The following MATR3 variants were observed in gnomAD, a reference collection of about 807,000 sequenced individuals.
MATR3 encodes matrin-3.
MATR3 carries 4 observed loss-of-function variants against 85.5 expected under a neutral mutation model. That is an observed-to-expected ratio of 0.05 (90% confidence interval 0.02 to 0.11). The LOEUF (loss-of-function observed/expected upper bound fraction) is 0.11. Among genes scored for constraint, MATR3 ranks in the 10% least tolerant of loss-of-function variants. The probability of loss-of-function intolerance (pLI) is 1.00; values close to 1 mark genes in which losing one functional copy is unlikely to be tolerated. For missense variants in MATR3, 685 were observed against 1,016.1 expected (o/e 0.67, Z 4.43); for synonymous variants, 336 against 343.1 (o/e 0.98, Z 0.23).
chr5:139,325,503 G>A lies in MATR3; in HGVS notation c.2212G>A (p.Glu738Lys), dbSNP rs2152022000. Reference protein sequence around the residue: ...EAALENGIKNEENTEPGAESS... With the variant: ...EAALENGIKNKENTEPGAESS... ...AGCGTTGGAAAATGGAATTAAAAAT[G>A]AGGAAAACACAGAACCAGGTGCTGA... Residue 738 changes from glutamate (E) to lysine (K), a missense_variant, in exon 13 of 15, where the codon GAG becomes AAG. Physicochemically the swap from Glu to Lys is moderately conservative, Grantham distance 56. Transcript: ENST00000394805. 6.2e-7 allele frequency: 1 copy of A among 1,614,208 alleles called. No individual in the cohort carries two copies. Among genetic ancestry groups the A allele is most frequent in the Non-Finnish European group, 8.5e-7 (1 of 1,180,044 alleles).
chr5:139,316,285 G>A lies in MATR3; in HGVS notation c.1129+97G>A, dbSNP rs148579120. 1,523 of 914,560 alleles carry A rather than the reference G, an allele frequency of 1.7e-3. 14 individuals carry two copies. The African/African-American group carries it at 0.021, about 13-fold the overall frequency. 56.7% of individuals were successfully genotyped at this position (914,560 alleles called of 1,614,324 possible). A position where few individuals can be genotyped will look rare whatever the true frequency, so the allele number is the denominator to read the frequency against. On this transcript the variant is annotated intron_variant, in intron 5 of 14. Coordinates refer to ENST00000394805, the MANE Select transcript of MATR3 (RefSeq NM_018834.6). ...TTTGAGATGGGGTTTTGCTCTTATC[G>A]CCCAGGCTGGAGTGCAATGGCACGA...
chr5:139,307,698 C>T lies in MATR3; in HGVS notation c.283C>T (p.Leu95Phe), dbSNP rs1754778808. 6.2e-7 allele frequency: 1 copy of T among 1,614,152 alleles called. No individual in the cohort carries two copies. The highest frequency in any genetic ancestry group is 1.3e-5 in the African/African-American group (1 of 75,054). Residue 95 changes from leucine (L) to phenylalanine (F), a missense_variant, in exon 2 of 15, where the codon CTC (leucine) becomes TTC (phenylalanine). Coordinates refer to ENST00000394805, the MANE Select transcript of MATR3 (RefSeq NM_018834.6). The surrounding 1 kb of genome is among the most constrained non-coding windows in gnomAD (Gnocchi z 4.4). ...SIFNIGSRGP[L>F]PLSSQHRGDA... is the part of the protein sequence containing the mutation. ...ATTTAACATTGGAAGTAGAGGTCCA[C>T]TCCCTTTATCTTCTCAACACCGTGG...
Position 139,329,941 on chromosome 5 carries a change from T to C in MATR3, c.*546T>C, listed in dbSNP as rs1482380353. ...GTGCAGTTTTCTGTTAATGTCATGC[T>C]GTTGTTTAGGTAATAAGAAATATTA... On this transcript the variant is annotated 3_prime_UTR_variant, in exon 15 of 15. Coordinates refer to ENST00000394805, the MANE Select transcript of MATR3 (RefSeq NM_018834.6). 1 of 454,434 alleles carries C rather than the reference T, an allele frequency of 2.2e-6. No individual in the cohort carries two copies. 28.2% of individuals were successfully genotyped at this position (454,434 alleles called of 1,614,324 possible).
chr5:139,296,313 A>G (rs1754147843), intron 1 of MATR3, among the ~76,000 whole-genome samples: 1 of 152,212 alleles, frequency 6.6e-6, no homozygotes, highest in African/African-American at 2.4e-5. Context: ...GTAACGGTAT[A>G]CAGTTTTAAC....
chr5:139,289,078 G>A (rs188035902), upstream of MATR3, among the ~76,000 whole-genome samples: 2 of 152,228 alleles, frequency 1.3e-5, no homozygotes, highest in South Asian at 2.1e-4. Flanking sequence ...CACCACACCC[G>A]GCCAACATCA....
intron 14 of MATR3, 70 bp downstream of exon 14, chr5:139,326,354 G>T: frequency 7.0e-7 from 1 of 1,426,176 alleles, no homozygotes; most frequent in Non-Finnish European, 9.9e-7. Flanking sequence ...GGGTATATAA[G>T]TAAAATGTGT....
At chr5:139,322,324 A>G in intron 10 of MATR3, 139 bp from the exon 11 acceptor site, 6 of 833,082 alleles carry the variant, frequency 7.2e-6, no homozygotes, top group Non-Finnish European at 1.0e-5. Flanking sequence ...GAATGTCTGT[A>G]GGCAGCTTAG....
At chr5:139,311,451 CA>C (rs1441177338) in intron 2 of MATR3, 2 of 152,136 alleles carry the variant, frequency 1.3e-5, no homozygotes, top group African/African-American at 2.4e-5. Flanking sequence ...ATCAGTAGTA[CA>C]GATTAGTCAT....
intron 9 of MATR3, 70 bp downstream of exon 9, chr5:139,319,571 G>T: frequency 7.1e-7 from 1 of 1,405,266 alleles, no homozygotes; most frequent in South Asian, 1.2e-5. Flanking sequence ...ATATGGAGCT[G>T]GGCGTCATTC....
At chr5:139,324,859 G>A (rs1349180614) in intron 12 of MATR3, among the ~76,000 whole-genome samples, 1 of 151,936 alleles carries the variant, frequency 6.6e-6, no homozygotes, top group Non-Finnish European at 1.5e-5. Context: ...TAATTTTTTG[G>A]AAGAAAGGAA....
chr5:139,297,636 T>G (rs1205956567), intron 1 of MATR3, among the ~76,000 whole-genome samples: 1 of 152,184 alleles, frequency 6.6e-6, no homozygotes, highest in East Asian at 1.9e-4. Flanking sequence ...TGAATATAAT[T>G]TATTACTGTG....
rs2152024327 is a variant in MATR3 at position 139,326,215 on chromosome 5, C to G, written c.2424C>G (p.Leu808=). The change falls in exon 14 of 15, where the codon CTC becomes CTG. Residue 808 remains leucine, a synonymous_variant. Coordinates refer to ENST00000394805, the MANE Select transcript of MATR3 (RefSeq NM_018834.6). ...KTGFYCKLCS[L]FYTNEEVAKN... ...GGTTTTACTGTAAGCTGTGTTCACT[C>G]TTTTATACAAATGAAGAAGTTGCAA... The G allele has an allele frequency of 6.2e-7, 1 of 1,612,606 alleles. No homozygotes were observed. The highest frequency in any genetic ancestry group is 8.5e-7 in the Non-Finnish European group (1 of 1,179,008).
Position 139,330,373 on chromosome 5 carries a change from A to AG in MATR3, c.*979dup, listed in dbSNP as rs1424162651. ...TATATCTGTGGATTCAAGTTACTGA[A>AG]GTGAATACCAATAAAAAGAAAACCC... On this transcript the variant is annotated 3_prime_UTR_variant, in exon 15 of 15. Coordinates refer to ENST00000394805, the MANE Select transcript of MATR3 (RefSeq NM_018834.6). The AG allele has an allele frequency of 4.4e-6, 2 of 454,400 alleles. No individual in the cohort carries two copies. Among genetic ancestry groups the AG allele is most frequent in the Admixed American group, 2.4e-5 (1 of 42,540 alleles). 28.1% of individuals were successfully genotyped at this position (454,400 alleles called of 1,614,324 possible). A position where few individuals can be genotyped will look rare whatever the true frequency, so the allele number is the denominator to read the frequency against.
chr5:139,330,903 A>C lies in MATR3; in HGVS notation c.*1508A>C, dbSNP rs992437608. Reference sequence around the variant, plus strand: ...GCCTTTGGGCTCAAATGACCCTCCTACCTCAGTCTCCTGAGTAGCTGGGAC... The same window carrying C: ...GCCTTTGGGCTCAAATGACCCTCCTCCCTCAGTCTCCTGAGTAGCTGGGAC... On this transcript the variant is annotated 3_prime_UTR_variant, in exon 15 of 15. Coordinates refer to ENST00000394805, the MANE Select transcript of MATR3 (RefSeq NM_018834.6). The C allele has an allele frequency of 6.6e-6, 3 of 453,652 alleles. No homozygotes were observed. The highest frequency in any genetic ancestry group is 6.0e-5 in the African/African-American group (3 of 49,968). 28.1% of individuals were successfully genotyped at this position (453,652 alleles called of 1,614,324 possible).
At position 139,330,441 on chromosome 5, in the gene MATR3, A is replaced by G. The variant is rs1439099572; in HGVS notation, c.*1046A>G. The G allele has an allele frequency of 1.3e-5, 6 of 454,338 alleles. No individual in the cohort carries two copies. In the East Asian group the frequency reaches 3.5e-4, roughly 26 times the overall value. The allele number at this position is 454,338 out of a possible 1,614,324, so 28.1% of individuals were successfully genotyped here. A position where few individuals can be genotyped will look rare whatever the true frequency, so the allele number is the denominator to read the frequency against. ...TTATACATGTTTGGAATGTTAACCAACGTATTTGTCAGTTGTGGTTTTTAT... is the reference window on the plus strand; with the variant it reads ...TTATACATGTTTGGAATGTTAACCAGCGTATTTGTCAGTTGTGGTTTTTAT... On this transcript the variant is annotated 3_prime_UTR_variant, in exon 15 of 15. Coordinates refer to ENST00000394805, the MANE Select transcript of MATR3 (RefSeq NM_018834.6).
chr5:139,315,924 T>TA, intron 4 of MATR3, 152 bp from the exon 5 acceptor site: 3 of 764,666 alleles, frequency 3.9e-6, no homozygotes, highest in African/African-American at 1.8e-5. Context: ...ATTCTTTTAT[T>TA]GTTAATGTAG....
chr5:139,302,362 T>C (rs940044099), intron 1 of MATR3, among the ~76,000 whole-genome samples: 3 of 152,102 alleles, frequency 2.0e-5, no homozygotes, highest in African/African-American at 7.2e-5. Flanking sequence ...TGAAAGTGGC[T>C]GAAACTCTAG....
At chr5:139,304,864 G>A (rs1260425022) in intron 1 of MATR3, among the ~76,000 whole-genome samples, 1 of 152,142 alleles carries the variant, frequency 6.6e-6, no homozygotes, top group Non-Finnish European at 1.5e-5. Flanking sequence ...AGGCAGTGGG[G>A]CCCATGTGAA....
At chr5:139,324,121 GTTTAAA>G (rs1428293534) in intron 12 of MATR3, among the ~76,000 whole-genome samples, 4 of 151,918 alleles carry the variant, frequency 2.6e-5, no homozygotes, top group Non-Finnish European at 5.9e-5. Flanking sequence ...GTTTTTCTAA[GTTTAAA>G]TTTATTAATT....
Sources: allele counts gnomAD v4.1 joint callset (sites outside exome capture counted in the v4.1 genomes callset), GRCh38; gene constraint gnomAD v4.1.1; non-coding constraint Gnocchi (gnomAD v3.1); transcripts MANE v1.5; gene names NCBI Gene and HGNC (gene_info 2026-07-23, HGNC 2026-07-21).